CA10: variants seen among roughly 807,000 people sequenced by gnomAD.
CA10 encodes carbonic anhydrase 10 (inactive), also known as carbonic anhydrase-related protein 10.
In CA10, 14 loss-of-function variants were observed where a neutral mutation model predicts 44.2. The observed-to-expected ratio is 0.32, with a 90% confidence interval of 0.21 to 0.50. CA10 has a LOEUF of 0.50. Among genes scored for constraint, CA10 ranks in the 20% least tolerant of loss-of-function variants. The pLI is 0.99. For synonymous variants in CA10, 159 were observed against 141.6 expected (o/e 1.12, Z -0.87); for missense variants, 350 against 409.7 (o/e 0.85, Z 1.26).
At chr17:52,141,970 G>A (rs531463755) in intron 1 of CA10, among the ~76,000 whole-genome samples, 3 of 152,302 alleles carry the variant, frequency 2.0e-5, no homozygotes, top group African/African-American at 4.8e-5. Flanking sequence ...GGGACAAGAA[G>A]AGCCGATGGG....
chr17:51,933,083 A>G (rs1281861386), intron 2 of CA10, among the ~76,000 whole-genome samples: 1 of 152,136 alleles, frequency 6.6e-6, no homozygotes, highest in Non-Finnish European at 1.5e-5. Flanking sequence ...AAGTGAACTG[A>G]GTGGCCCTTG....
chr17:51,709,373 G>A (rs1448988651), intron 4 of CA10, among the ~76,000 whole-genome samples: 3 of 152,210 alleles, frequency 2.0e-5, no homozygotes, highest in Non-Finnish European at 4.4e-5. Flanking sequence ...GGGGCTTAGA[G>A]TTCAGGCTAC....
At chr17:51,810,868 C>T (rs1907333909) in intron 3 of CA10, among the ~76,000 whole-genome samples, 1 of 152,176 alleles carries the variant, frequency 6.6e-6, no homozygotes, top group African/African-American at 2.4e-5. Flanking sequence ...CCAGACAAGG[C>T]CACTGCAATT....
chr17:51,733,265 T>C (rs1355673439), intron 4 of CA10, among the ~76,000 whole-genome samples: 1 of 152,138 alleles, frequency 6.6e-6, no homozygotes, highest in African/African-American at 2.4e-5. Flanking sequence ...CCTCCCCAAA[T>C]TGCCACACGC....
At chr17:51,632,745 C>T (rs1342583488) in intron 8 of CA10, among the ~76,000 whole-genome samples, 1 of 152,198 alleles carries the variant, frequency 6.6e-6, no homozygotes, top group Non-Finnish European at 1.5e-5. Context: ...AGACCCCATC[C>T]TTCCTCCATC....
chr17:51,784,344 G>A (rs1025187763), intron 3 of CA10, among the ~76,000 whole-genome samples: 8 of 152,226 alleles, frequency 5.3e-5, no homozygotes, highest in Non-Finnish European at 8.8e-5. Context: ...CCTCTGAAAG[G>A]TGTGAGGGAA....
At chr17:51,716,550 C>T (rs951973311) in intron 4 of CA10, among the ~76,000 whole-genome samples, 7 of 152,274 alleles carry the variant, frequency 4.6e-5, no homozygotes, top group East Asian at 1.9e-4. Flanking sequence ...GCCAGCCCCC[C>T]AGGGTTGAGC....
At chr17:51,750,546 G>A (rs1220728079) in intron 3 of CA10, among the ~76,000 whole-genome samples, 1 of 152,050 alleles carries the variant, frequency 6.6e-6, no homozygotes, top group Non-Finnish European at 1.5e-5. Context: ...CATCCTCATG[G>A]ATAAATCTTT....
Position 51,931,107 on chromosome 17 carries a change from G to A in CA10, c.162C>T (p.Asn54=), listed in dbSNP as rs1455891422. The change falls in exon 3 of 9, where the codon AAC becomes AAT. Residue 54 remains asparagine, a synonymous_variant. Coordinates refer to ENST00000451037, the MANE Select transcript of CA10 (RefSeq NM_020178.5). ...VPVPSFWGLV[N]SAWNLCSVGK... ...CCACAGAGCAAAGATTCCAAGCTGA[G>A]TTCACCAATCCCCAGAAAGAAGGAA... 1.2e-6 allele frequency: 2 copies of A among 1,613,404 alleles called. No individual in the cohort carries two copies. The highest frequency in any genetic ancestry group is 1.7e-5 in the Admixed American group (1 of 59,958).
chr17:51,737,073 G>T (rs146779907), intron 4 of CA10, among the ~76,000 whole-genome samples: 1 of 152,266 alleles, frequency 6.6e-6, no homozygotes, highest in African/African-American at 2.4e-5. Context: ...ACTTACCCAG[G>T]ATCAAGCAGC....
At chr17:51,680,596 T>A (rs1914811367) in intron 4 of CA10, among the ~76,000 whole-genome samples, 1 of 152,134 alleles carries the variant, frequency 6.6e-6, no homozygotes, top group African/African-American at 2.4e-5. Flanking sequence ...TTTGGAAACA[T>A]CTCTTTTGGG....
chr17:52,075,057 A>G (rs1005140562), intron 1 of CA10, among the ~76,000 whole-genome samples: 1 of 152,218 alleles, frequency 6.6e-6, no homozygotes, highest in African/African-American at 2.4e-5. Context: ...TTGGCCCACA[A>G]AGCCTAAAAT....
intron 3 of CA10, among the ~76,000 whole-genome samples, chr17:51,930,181 A>G (rs1330890053): frequency 6.6e-6 from 1 of 151,824 alleles, no homozygotes; most frequent in Non-Finnish European, 1.5e-5. Flanking sequence ...AAAGTTGTCA[A>G]TAATTTTAAC....
chr17:51,842,558 G>A (rs776652168), intron 3 of CA10, among the ~76,000 whole-genome samples: 4 of 152,130 alleles, frequency 2.6e-5, no homozygotes, highest in Admixed American at 6.6e-5. Flanking sequence ...TACATCATGC[G>A]CAGTTTTGAA....
intron 2 of CA10, among the ~76,000 whole-genome samples, chr17:52,045,820 C>T (rs1351436271): frequency 6.6e-6 from 1 of 151,876 alleles, no homozygotes; most frequent in African/African-American, 2.4e-5. Flanking sequence ...TTCAAGTGCA[C>T]GTGGCATGTT....
intron 3 of CA10, among the ~76,000 whole-genome samples, chr17:51,813,057 A>C (rs1442716166): frequency 6.6e-6 from 1 of 152,222 alleles, no homozygotes; most frequent in African/African-American, 2.4e-5. Flanking sequence ...TAAATCGGAT[A>C]ATAGAAGAAG....
chr17:51,734,644 G>A (rs1043378494), intron 4 of CA10, among the ~76,000 whole-genome samples: 1 of 152,098 alleles, frequency 6.6e-6, no homozygotes, highest in South Asian at 2.1e-4. Flanking sequence ...CTGCCATCTG[G>A]GGGCAGGGAA....
intron 3 of CA10, among the ~76,000 whole-genome samples, chr17:51,882,431 T>C (rs1980416813): frequency 1.3e-5 from 2 of 152,320 alleles, no homozygotes; most frequent in East Asian, 3.9e-4. Context: ...ACCTCATTAA[T>C]GCCAATTGTA....
chr17:51,902,434 C>T (rs1384651750), intron 3 of CA10, among the ~76,000 whole-genome samples: 1 of 152,078 alleles, frequency 6.6e-6, no homozygotes, highest in Non-Finnish European at 1.5e-5. Flanking sequence ...CCCATTTGTG[C>T]CTTACAAGAG....
Sources: allele counts gnomAD v4.1 joint callset (sites outside exome capture counted in the v4.1 genomes callset), GRCh38; gene constraint gnomAD v4.1.1; transcripts MANE v1.5; gene names NCBI Gene and HGNC (gene_info 2026-07-23, HGNC 2026-07-21).